C1orf174: variants seen among roughly 807,000 people sequenced by gnomAD.
C1orf174 encodes the protein UPF0688 protein C1orf174.
C1orf174 carries 13 observed loss-of-function variants against 18.4 expected under a neutral mutation model. The ratio of observed to expected loss-of-function variants is 0.71; its 90% CI spans 0.46 to 1.12. C1orf174 has a LOEUF of 1.12. Ranked by LOEUF, C1orf174 falls within the 50% of genes most tolerant of loss-of-function variation. C1orf174 has a pLI of 0.00. For synonymous variants in C1orf174, 100 were observed against 118.3 expected (o/e 0.85, Z 1.01); for missense variants, 309 against 308.0 (o/e 1.00, Z -0.02).
chr1:3,899,115 A>C (rs1325989867), intron 1 of C1orf174, among the ~76,000 whole-genome samples: 1 of 152,226 alleles, frequency 6.6e-6, no homozygotes, highest in African/African-American at 2.4e-5. Flanking sequence ...ATCCACTTAA[A>C]GAAGGAACAG....
rs373322033 is a variant in C1orf174, at chr1:3,891,779, G to A, written c.130-722C>T. The A allele has an allele frequency of 1.4e-5, 14 of 986,180 alleles. No homozygotes were observed. The African/African-American group carries it at 2.1e-4, about 15-fold the overall frequency. The allele number at this position is 986,180 out of a possible 1,614,324, so 61.1% of individuals were successfully genotyped here. A position where few individuals can be genotyped will look rare whatever the true frequency, so the allele number is the denominator to read the frequency against. ...ATGGGCCAGCATGACTCCATAGCAC[G>A]CTAAGAGCAGAGCGATGAGCACAAG... On this transcript the variant is annotated intron_variant, in intron 2 of 3. Coordinates refer to ENST00000361605, the MANE Select transcript of C1orf174 (RefSeq NM_207356.3).
chr1:3,899,118 A>ATCCACTTAAAAT (rs1638660355), intron 1 of C1orf174, among the ~76,000 whole-genome samples: 1 of 152,236 alleles, frequency 6.6e-6, no homozygotes, highest in Admixed American at 6.5e-5. Context: ...CACTTAAAGA[A>ATCCACTTAAAAT]GGAACAGGGG....
In C1orf174 at chr1:3,900,197, A is replaced by G. The variant is rs778633168; in HGVS notation, c.-11T>C. On this transcript the variant is annotated 5_prime_UTR_variant, in exon 1 of 4. Coordinates refer to ENST00000361605, the MANE Select transcript of C1orf174 (RefSeq NM_207356.3). ...CTTCCGGCTCCTCATGAGTGTGAGC[A>G]CCGCAGCCAAGCACCGCGCGCCCCG... The G allele has an allele frequency of 8.9e-6, 14 of 1,581,430 alleles. No homozygotes were observed. The African/African-American group carries it at 1.8e-4, about 20-fold the overall frequency.
intron 1 of C1orf174, 43 bp downstream of exon 1, chr1:3,900,129 C>T (rs1638683820): frequency 6.4e-7 from 1 of 1,566,362 alleles, no homozygotes; most frequent in East Asian, 2.5e-5. Context: ...ACCCAGAGTC[C>T]CCGCCCTGCC....
chr1:3,889,805 T>G lies in C1orf174; in HGVS notation c.*155A>C. The G allele has an allele frequency of 1.4e-6, 1 of 703,198 alleles. No individual in the cohort carries two copies. Among genetic ancestry groups the G allele is most frequent in the Non-Finnish European group, 2.5e-6 (1 of 395,244 alleles). 43.6% of individuals were successfully genotyped at this position (703,198 alleles called of 1,614,324 possible). On this transcript the variant is annotated 3_prime_UTR_variant, in exon 4 of 4. Coordinates refer to ENST00000361605, the MANE Select transcript of C1orf174 (RefSeq NM_207356.3). ...TTCCCATGAGTACATCCTCCACAGG[T>G]ATTGGGTGCTTTGCACTATTGACTT...
At chr1:3,892,840 C>T (rs1375286838) in intron 2 of C1orf174, 43 bp downstream of exon 2, 4 of 1,601,146 alleles carry the variant, frequency 2.5e-6, no homozygotes, top group Non-Finnish European at 3.4e-6. Context: ...AAAATGGACC[C>T]TCGAGTCAGG....
chr1:3,890,165 G>A (rs1031461036), intron 3 of C1orf174, 92 bp from the exon 4 acceptor site: 15 of 978,272 alleles, frequency 1.5e-5, no homozygotes, highest in South Asian at 2.7e-5. Flanking sequence ...TCTAGGGCTC[G>A]CAGAGCGCTC....
At chr1:3,895,854 A>G (rs921977848) in intron 1 of C1orf174, 36 of 152,240 alleles carry the variant, frequency 2.4e-4, no homozygotes, top group African/African-American at 8.4e-4. Flanking sequence ...AAGCACAAAC[A>G]TGGTTTCTCC....
Position 3,900,204 on chromosome 1 carries a change from C to A in C1orf174, c.-18G>T, listed in dbSNP as rs746778461. Reference sequence around the variant, plus strand: ...CTCCTCATGAGTGTGAGCACCGCAGCCAAGCACCGCGCGCCCCGGCCAACG... The same window carrying A: ...CTCCTCATGAGTGTGAGCACCGCAGACAAGCACCGCGCGCCCCGGCCAACG... On this transcript the variant is annotated 5_prime_UTR_variant, in exon 1 of 4. Transcript: ENST00000361605. The A allele has an allele frequency of 1.3e-6, 2 of 1,573,516 alleles. No homozygotes were observed. Among genetic ancestry groups the A allele is most frequent in the African/African-American group, 2.8e-5 (2 of 71,680 alleles).
intron 1 of C1orf174, among the ~76,000 whole-genome samples, chr1:3,899,920 A>G (rs1319835765): frequency 6.6e-6 from 1 of 150,862 alleles, no homozygotes; most frequent in Non-Finnish European, 1.5e-5. Flanking sequence ...TCTCCCGGGG[A>G]CGTGACCTGT....
At position 3,890,057 on chromosome 1, in the gene C1orf174, G is replaced by T; in HGVS notation, c.635C>A (p.Ser212Tyr). The T allele has an allele frequency of 6.2e-7, 1 of 1,614,146 alleles. No homozygotes were observed. The highest frequency in any genetic ancestry group is 1.1e-5 in the South Asian group (1 of 91,088). ...TCTGCTCATTGAAGGACAAGATGAA[G>T]ACGCAGGTGGGAGGTCCTTAGTGGA... ...VELMQDLPPA[S>Y]SSCPSMSRRE... The change falls in exon 4 of 4, where the codon TCT (serine) becomes TAT (tyrosine). Residue 212 changes from serine (S) to tyrosine (Y), a missense_variant. Physicochemically the swap from Ser to Tyr is moderately radical, Grantham distance 144 (BLOSUM62 -2). Coordinates refer to ENST00000361605, the MANE Select transcript of C1orf174 (RefSeq NM_207356.3).
rs1312001470 is a variant in C1orf174, at chr1:3,900,179, C to A, written c.8G>T (p.Ser3Ile). The A allele has an allele frequency of 1.3e-6, 2 of 1,587,144 alleles. No homozygotes were observed. Among genetic ancestry groups the A allele is most frequent in the East Asian group, 2.3e-5 (1 of 43,060 alleles). Residue 3 changes from serine to isoleucine, a missense_variant, in exon 1 of 4, where the codon AGC becomes ATC. Ser to Ile is a moderately radical substitution (Grantham distance 142). Transcript: ENST00000361605. MR[S>I]RKLTGAVRSS... is the part of the protein sequence containing the mutation. ...CCGGGACCCAGCCCTCACCTTCCGG[C>A]TCCTCATGAGTGTGAGCACCGCAGC...
intron 1 of C1orf174, among the ~76,000 whole-genome samples, chr1:3,898,375 T>G (rs752990280): frequency 9.9e-5 from 15 of 152,126 alleles, no homozygotes; most frequent in Non-Finnish European, 1.5e-4. Flanking sequence ...CCGGGCGTAG[T>G]GGCAGCCTCC....
rs10797351 is a variant in C1orf174 at position 3,889,771 on chromosome 1, G to T, written c.*189C>A. ...AGCTTTGCAACCTCAAAGATGGTTT[G>T]AGTTTTAGTTCCCATGAGTACATCC... On this transcript the variant is annotated 3_prime_UTR_variant, in exon 4 of 4. Coordinates refer to ENST00000361605, the MANE Select transcript of C1orf174 (RefSeq NM_207356.3). 0.042 allele frequency: 22,990 copies of T among 549,952 alleles called. 1,283 individuals carry two copies. Among genetic ancestry groups the T allele is most frequent in the African/African-American group, 0.2 (10,474 of 52,974 alleles). The allele number at this position is 549,952 out of a possible 1,614,324, so 34.1% of individuals were successfully genotyped here.
chr1:3,890,459 G>A, intron 3 of C1orf174, 110 bp downstream of exon 3: 1 of 1,426,496 alleles, frequency 7.0e-7, no homozygotes, highest in Non-Finnish European at 9.5e-7. Flanking sequence ...ATTAGTTTAT[G>A]TTTAATGTTG....
intron 1 of C1orf174, among the ~76,000 whole-genome samples, chr1:3,897,270 G>C (rs1570968391): frequency 6.6e-6 from 1 of 152,306 alleles, no homozygotes; most frequent in Non-Finnish European, 1.5e-5. Flanking sequence ...ACAATATCAA[G>C]ATCATGAATA....
rs528052426 is a variant in C1orf174 at position 3,891,659 on chromosome 1, T to C, written c.130-602A>G. Reference sequence around the variant, plus strand: ...TCAGGAACTCGCTCCTCGGAATCGATGGCTGGGCTAGGGTGAACGGCAGAC... The same window carrying C: ...TCAGGAACTCGCTCCTCGGAATCGACGGCTGGGCTAGGGTGAACGGCAGAC... On this transcript the variant is annotated intron_variant, in intron 2 of 3. Transcript: ENST00000361605. 1.4e-5 allele frequency: 14 copies of C among 986,100 alleles called. No individual in the cohort carries two copies. In the East Asian group the frequency reaches 9.1e-4, roughly 64 times the overall value. 61.1% of individuals were successfully genotyped at this position (986,100 alleles called of 1,614,324 possible).
chr1:3,891,743 G>T, intron 2 of C1orf174: 1 of 985,936 alleles, frequency 1.0e-6, no homozygotes, highest in Non-Finnish European at 1.2e-6. Flanking sequence ...TGGCGGTGAG[G>T]CTGCACGGCA....
rs544744734 is a variant in C1orf174, at chr1:3,894,335, C to T, written c.16-1339G>A. On this transcript the variant is annotated intron_variant, in intron 1 of 3. Transcript: ENST00000361605. Reference sequence around the variant, plus strand: ...AGAAATAATCTGTCTCGGCTGGGCGCGGTGGCTCACGGCTGTAATCCCAGC... The same window carrying T: ...AGAAATAATCTGTCTCGGCTGGGCGTGGTGGCTCACGGCTGTAATCCCAGC... 3.3e-5 allele frequency among the ~76,000 whole-genome samples: 5 copies of T among 152,088 alleles called. No homozygotes were observed. In the East Asian group the frequency reaches 5.8e-4, roughly 18 times the overall value.
Sources: gnomAD v4.1 joint callset for allele counts (sites outside exome capture counted in the v4.1 genomes callset) on GRCh38, gnomAD v4.1.1 for gene constraint, MANE v1.5 for transcripts, NCBI Gene and HGNC (gene_info 2026-07-23, HGNC 2026-07-21) for gene names.